Variants in THSD7B observed in about 807,000 individuals in gnomAD.
THSD7B encodes thrombospondin type-1 domain-containing protein 7B.
Under a neutral mutation model 213.6 loss-of-function variants are expected in THSD7B, and 138 were observed. The observed-to-expected ratio is 0.65, with a 90% CI of 0.56 to 0.74. The LOEUF is 0.74. Ranked by LOEUF, THSD7B falls within the 30% of genes least tolerant of loss-of-function variation. The probability of loss-of-function intolerance (pLI) is 0.00; values close to 1 mark genes in which losing one functional copy is unlikely to be tolerated. For synonymous variants in THSD7B, 742 were observed against 687.0 expected, an observed-to-expected ratio of 1.08 and a Z score of -1.25; for missense variants, 1,931 against 1,991.5, an observed-to-expected ratio of 0.97 and a Z score of 0.58.
At chr2:137,469,840 A>C (rs1272956895) in intron 15 of THSD7B, among the ~76,000 whole-genome samples, 1 of 152,208 alleles carries the variant, frequency 6.6e-6, no homozygotes, top group East Asian at 1.9e-4. Flanking sequence ...ATGCTGAAAC[A>C]TTAGCTGCAT....
At chr2:136,865,922 G>A (rs543523678) in intron 1 of THSD7B, among the ~76,000 whole-genome samples, 1 of 152,310 alleles carries the variant, frequency 6.6e-6, no homozygotes, top group South Asian at 2.1e-4. Context: ...TTTTAAAGCA[G>A]GTAGAGGGTT....
chr2:137,113,747 T>A (rs888511941), intron 4 of THSD7B, among the ~76,000 whole-genome samples: 2 of 152,136 alleles, frequency 1.3e-5, no homozygotes, highest in Non-Finnish European at 2.9e-5. Context: ...AGAAATATAT[T>A]GTTATTTATA....
chr2:137,185,738 TC>T (rs1231162628), intron 7 of THSD7B, among the ~76,000 whole-genome samples: 1 of 152,174 alleles, frequency 6.6e-6, no homozygotes, highest in Non-Finnish European at 1.5e-5. Flanking sequence ...CAGTTTATTT[TC>T]CTTTGGCTAT....
chr2:137,257,708 G>A (rs1179313557), intron 10 of THSD7B, among the ~76,000 whole-genome samples: 3 of 152,120 alleles, frequency 2.0e-5, no homozygotes, highest in Non-Finnish European at 4.4e-5. Context: ...GATCCTAACT[G>A]GCTTTGAGTT....
intron 3 of THSD7B, among the ~76,000 whole-genome samples, chr2:137,079,460 C>G (rs920653445): frequency 6.6e-6 from 1 of 152,066 alleles, no homozygotes; most frequent in Non-Finnish European, 1.5e-5. Flanking sequence ...ACTTTACATT[C>G]TAAAGTGTTT....
Position 137,025,346 on chromosome 2 carries a change from A to G in THSD7B, c.140-31074A>G, listed in dbSNP as rs140616135. On this transcript the variant is annotated intron_variant, in intron 2 of 27. Coordinates refer to ENST00000409968, the MANE Select transcript of THSD7B (RefSeq NM_001316349.2). The stretch of plus-strand genomic sequence containing the variant: ...CTCAACTGAAACATAATCTCTTCAG[A>G]GGAACCTTCTCTGATCTTCCTATTT... 4.2e-3 allele frequency among the ~76,000 whole-genome samples: 634 copies of G among 152,270 alleles called. 4 individuals carry two copies. The highest frequency in any genetic ancestry group is 0.014 in the African/African-American group (573 of 41,562).
chr2:137,646,094 A>C (rs1194315747), intron 21 of THSD7B, among the ~76,000 whole-genome samples: 2 of 152,198 alleles, frequency 1.3e-5, no homozygotes, highest in African/African-American at 2.4e-5. Context: ...AAATACTGAT[A>C]AAACAAATGT....
chr2:137,281,977 A>C (rs1054840464), intron 12 of THSD7B, among the ~76,000 whole-genome samples: 3 of 152,342 alleles, frequency 2.0e-5, no homozygotes, highest in East Asian at 1.9e-4. Flanking sequence ...AGGAATCACC[A>C]CACTGACTTC....
intron 12 of THSD7B, among the ~76,000 whole-genome samples, chr2:137,341,920 TTTTG>T: frequency 6.6e-6 from 1 of 151,804 alleles, no homozygotes; most frequent in South Asian, 2.1e-4. Flanking sequence ...TCCAGCTGTT[TTTTG>T]TTTGTTTTTT....
chr2:137,201,183 T>C (rs148827949), intron 7 of THSD7B, among the ~76,000 whole-genome samples: 1 of 152,286 alleles, frequency 6.6e-6, no homozygotes, highest in African/African-American at 2.4e-5. Flanking sequence ...TTGATGGCCA[T>C]TTTAGTGTGT....
chr2:137,187,763 G>A (rs1412678756), intron 7 of THSD7B, among the ~76,000 whole-genome samples: 2 of 152,044 alleles, frequency 1.3e-5, no homozygotes, highest in African/African-American at 4.8e-5. Flanking sequence ...TGTGTTGATA[G>A]ACTATCATAT....
chr2:137,472,236 A>C (rs1331732698), intron 15 of THSD7B, among the ~76,000 whole-genome samples: 1 of 152,240 alleles, frequency 6.6e-6, no homozygotes, highest in Non-Finnish European at 1.5e-5. Context: ...AAAAGAAATT[A>C]GGAAAGTTTC....
chr2:136,992,836 C>A (rs1685813300), intron 2 of THSD7B, among the ~76,000 whole-genome samples: 1 of 152,162 alleles, frequency 6.6e-6, no homozygotes, highest in East Asian at 1.9e-4. Context: ...AGAGTGGACC[C>A]AAGACTACGC....
At chr2:137,466,484 G>A (rs917626854) in intron 15 of THSD7B, among the ~76,000 whole-genome samples, 3 of 151,912 alleles carry the variant, frequency 2.0e-5, no homozygotes, top group African/African-American at 7.3e-5. Flanking sequence ...ATTATGAGAT[G>A]GTTTTTTTTT....
intron 15 of THSD7B, among the ~76,000 whole-genome samples, chr2:137,541,534 T>A (rs1420595574): frequency 6.6e-6 from 1 of 151,756 alleles, no homozygotes; most frequent in African/African-American, 2.4e-5. Context: ...CACACACTTA[T>A]CATTTCTTTG....
chr2:137,518,776 C>T (rs1177772949), intron 15 of THSD7B, among the ~76,000 whole-genome samples: 1 of 152,168 alleles, frequency 6.6e-6, no homozygotes, highest in Non-Finnish European at 1.5e-5. Context: ...GACTTCCACT[C>T]ACCAAAACTG....
intron 2 of THSD7B, among the ~76,000 whole-genome samples, chr2:136,928,144 A>G (rs1684571671): frequency 6.6e-6 from 1 of 152,204 alleles, no homozygotes; most frequent in Non-Finnish European, 1.5e-5. Context: ...CACCTAACCT[A>G]CCAAACATCA....
intron 15 of THSD7B, among the ~76,000 whole-genome samples, chr2:137,473,327 C>T (rs963476580): frequency 6.6e-6 from 1 of 152,146 alleles, no homozygotes; most frequent in East Asian, 1.9e-4. Context: ...TCACGCCATT[C>T]TCCTGCCTCA....
At chr2:137,316,618 C>T (rs1000140931) in intron 12 of THSD7B, among the ~76,000 whole-genome samples, 14 of 151,874 alleles carry the variant, frequency 9.2e-5, no homozygotes, top group African/African-American at 2.9e-4. Flanking sequence ...AAAAGCCAGG[C>T]GCGGTGGTGG....
Sources: gnomAD v4.1 joint callset for allele counts (sites outside exome capture counted in the v4.1 genomes callset) on GRCh38, gnomAD v4.1.1 for gene constraint, MANE v1.5 for transcripts, NCBI Gene and HGNC (gene_info 2026-07-23, HGNC 2026-07-21) for gene names.